Variants in ZNF385D observed in about 807,000 individuals in gnomAD.
ZNF385D encodes the protein zinc finger protein 659.
ZNF385D carries 15 observed loss-of-function variants against 35.8 expected under a neutral mutation model. The observed-to-expected ratio is 0.42, with a 90% confidence interval of 0.28 to 0.64. The LOEUF is 0.64. Ranked by LOEUF, ZNF385D falls within the 30% of genes least tolerant of loss-of-function variation. The pLI is 0.23. For missense variants in ZNF385D, 474 were observed against 494.6 expected, an observed-to-expected ratio of 0.96 and a Z score of 0.39; for synonymous variants, 212 against 186.8, an observed-to-expected ratio of 1.13 and a Z score of -1.10.
chr3:22,187,768 AT>A (rs1311251647), intron 2 of ZNF385D, among the ~76,000 whole-genome samples: 2 of 152,180 alleles, frequency 1.3e-5, no homozygotes, highest in Non-Finnish European at 2.9e-5. Flanking sequence ...GTAGAGTCGT[AT>A]GTTTATTCGG....
At chr3:22,348,538 C>T (rs1695766947) in intron 2 of ZNF385D, among the ~76,000 whole-genome samples, 2 of 150,120 alleles carry the variant, frequency 1.3e-5, no homozygotes, top group Non-Finnish European at 1.5e-5. Context: ...GTGGTGCATG[C>T]CTGTAATCCC....
intron 3 of ZNF385D, among the ~76,000 whole-genome samples, chr3:21,934,979 T>G (rs1281663547): frequency 6.6e-6 from 1 of 152,180 alleles, no homozygotes; most frequent in Non-Finnish European, 1.5e-5. Context: ...AGCAAAAACA[T>G]TTTACTTCTG....
At chr3:21,867,041 G>A (rs1697403130) in intron 3 of ZNF385D, among the ~76,000 whole-genome samples, 2 of 152,108 alleles carry the variant, frequency 1.3e-5, no homozygotes, top group South Asian at 4.1e-4. Flanking sequence ...TGAGGTTGGA[G>A]AGAAGTCTGG....
At chr3:21,456,963 A>G (rs1357915404) in intron 4 of ZNF385D, among the ~76,000 whole-genome samples, 1 of 152,032 alleles carries the variant, frequency 6.6e-6, no homozygotes, top group Non-Finnish European at 1.5e-5. Flanking sequence ...TGCAGTTATC[A>G]CATTCAAACA....
At chr3:21,997,872 CGTGTGTGT>C (rs751459423) in intron 3 of ZNF385D, among the ~76,000 whole-genome samples, 87 of 90,162 alleles carry the variant, frequency 9.6e-4, no homozygotes, top group South Asian at 1.6e-3. Flanking sequence ...CGCGCGCGCG[CGTGTGTGT>C]GTGTGTGTGT....
At chr3:21,951,093 G>A (rs1416687957) in intron 3 of ZNF385D, among the ~76,000 whole-genome samples, 1 of 151,782 alleles carries the variant, frequency 6.6e-6, no homozygotes, top group South Asian at 2.1e-4. Context: ...AAAGTCAATG[G>A]TAGCTTGATG....
Position 22,048,955 on chromosome 3 carries a change from T to C in ZNF385D, c.325+119862A>G, listed in dbSNP as rs574436398. Among the ~76,000 whole-genome samples, 4 of 152,292 alleles carry C rather than the reference T, an allele frequency of 2.6e-5. No homozygotes were observed. In the South Asian group the frequency reaches 8.3e-4, roughly 32 times the overall value. On this transcript the variant is annotated intron_variant, in intron 3 of 5. Coordinates refer to the ZNF385D transcript ENST00000494108. ...TTTATAATTTTTAGTCTACAGACTA[T>C]TTTCTTGACTTTTTCTTTGTTGGAT...
chr3:21,807,140 A>G (rs186571082), intron 3 of ZNF385D, among the ~76,000 whole-genome samples: 1 of 152,360 alleles, frequency 6.6e-6, no homozygotes, highest in East Asian at 1.9e-4. Context: ...ATCTTCTAAA[A>G]GTTGAAATTA....
rs574451319 is a variant in ZNF385D at position 22,092,212 on chromosome 3, C to T, written c.325+76605G>A. Among the ~76,000 whole-genome samples the T allele has an allele frequency of 2.0e-5, 3 of 152,284 alleles. No individual in the cohort carries two copies. In the East Asian group the frequency reaches 5.8e-4, roughly 29 times the overall value. On this transcript the variant is annotated intron_variant, in intron 3 of 5. Transcript: ENST00000494108. ...TGACAGTGGGGCTGGAACCTGTAAA[C>T]ATTCCTTCTTTGCCAGTCAGGATAA...
intron 4 of ZNF385D, among the ~76,000 whole-genome samples, chr3:21,451,893 G>C (rs1702481671): frequency 6.6e-6 from 1 of 152,002 alleles, no homozygotes; most frequent in Admixed American, 6.6e-5. Context: ...ATTGTTTAAG[G>C]TTTATTTTTG....
In ZNF385D at chr3:21,468,423, AAG is replaced by A. The variant is rs1553592265; in HGVS notation, c.440-31222_440-31221del. Among the ~76,000 whole-genome samples, 935 of 149,792 alleles carry A rather than the reference AAG, an allele frequency of 6.2e-3. 13 individuals carry two copies. The highest frequency in any genetic ancestry group is 0.021 in the African/African-American group (840 of 40,088). ...TCTCAAAAAAAAAAAAAAAAAAAAA[AAG>A]TATATGCAGACATTCAGAGTATAAT... On this transcript the variant is annotated intron_variant, in intron 4 of 7. Coordinates refer to ENST00000281523, the MANE Select transcript of ZNF385D (RefSeq NM_024697.3).
At chr3:21,666,732 A>G (rs1019222998) in intron 1 of ZNF385D, among the ~76,000 whole-genome samples, 2 of 152,208 alleles carry the variant, frequency 1.3e-5, no homozygotes, top group African/African-American at 4.8e-5. Context: ...TTTCTCTTTT[A>G]TTAAAAATTT....
At chr3:21,858,537 T>A (rs1696864231) in intron 3 of ZNF385D, among the ~76,000 whole-genome samples, 1 of 152,034 alleles carries the variant, frequency 6.6e-6, no homozygotes, top group Non-Finnish European at 1.5e-5. Context: ...CCAAAGAATT[T>A]GTTTGCCCCT....
chr3:21,875,413 T>G (rs1697913162), intron 3 of ZNF385D, among the ~76,000 whole-genome samples: 2 of 152,050 alleles, frequency 1.3e-5, no homozygotes, highest in Admixed American at 6.6e-5. Context: ...CCCACTTTAG[T>G]CACCCTTTTA....
chr3:22,211,417 G>A (rs1697515647), intron 2 of ZNF385D, among the ~76,000 whole-genome samples: 1 of 151,854 alleles, frequency 6.6e-6, no homozygotes, highest in African/African-American at 2.4e-5. Flanking sequence ...TAACCTCACT[G>A]CAGAGGTCAC....
intron 2 of ZNF385D, among the ~76,000 whole-genome samples, chr3:22,365,356 A>C (rs1453937023): frequency 6.6e-6 from 1 of 152,094 alleles, no homozygotes; most frequent in Non-Finnish European, 1.5e-5. Flanking sequence ...ATTGAAAAAC[A>C]AAAAAGAATT....
chr3:21,530,494 G>A (rs2061896578), intron 3 of ZNF385D, among the ~76,000 whole-genome samples: 3 of 152,130 alleles, frequency 2.0e-5, no homozygotes, highest in Non-Finnish European at 4.4e-5. Context: ...CCAGATTCAT[G>A]CTCTTTGGGA....
chr3:21,909,238 T>C (rs1486445049), intron 3 of ZNF385D, among the ~76,000 whole-genome samples: 1 of 152,126 alleles, frequency 6.6e-6, no homozygotes, highest in Non-Finnish European at 1.5e-5. Flanking sequence ...CATTCCATTT[T>C]TGGAACCAGT....
chr3:21,982,079 G>GTTT (rs59719489), intron 3 of ZNF385D, among the ~76,000 whole-genome samples: 8,071 of 133,120 alleles, frequency 0.061, 817 homozygotes, highest in African/African-American at 0.22. Context: ...TTTTAAAATA[G>GTTT]TTTTTTTTTT....
Sources: allele counts gnomAD v4.1 joint callset (sites outside exome capture counted in the v4.1 genomes callset), GRCh38; gene constraint gnomAD v4.1.1; transcripts MANE v1.5; gene names NCBI Gene and HGNC (gene_info 2026-07-23, HGNC 2026-07-21).